Variants in SLC6A14 observed in about 807,000 individuals in gnomAD.
The protein encoded by SLC6A14 is solute carrier family 6 member 14.
Under a neutral mutation model 51.4 loss-of-function variants are expected in SLC6A14, and 21 were observed. The ratio of observed to expected loss-of-function variants is 0.41; its 90% CI spans 0.29 to 0.59. The LOEUF (loss-of-function observed/expected upper bound fraction) is 0.59. Among genes scored for constraint, SLC6A14 ranks in the 20% least tolerant of loss-of-function variants. The pLI is 0.31. For missense variants in SLC6A14, 371 were observed against 472.8 expected, an observed-to-expected ratio of 0.78 and a Z score of 2.00; for synonymous variants, 177 against 160.7, an observed-to-expected ratio of 1.10 and a Z score of -0.77.
intron 7 of SLC6A14, among the ~76,000 whole-genome samples, chrX:116,449,014 A>G (rs1927769756): frequency 2.7e-5 from 3 of 111,378 alleles, no homozygotes; most frequent in Non-Finnish European, 5.7e-5. Flanking sequence ...TGGAATCATA[A>G]TCAGGTGTCT....
chrX:116,451,713 A>G, intron 8 of SLC6A14, 43 bp downstream of exon 8: 1 of 768,284 alleles, frequency 1.3e-6, no homozygotes, highest in Non-Finnish European at 1.9e-6. Context: ...AATTCAATGT[A>G]TCTCACTTAT....
Position 116,450,358 on chromosome X carries a change from A to C in SLC6A14, c.931-1084A>C, listed in dbSNP as rs187489492. On this transcript the variant is annotated intron_variant, in intron 7 of 13. Transcript: ENST00000598581. Reference sequence around the variant, plus strand: ...AGACATGACCAGGAATTTCACAGAAAAAAACAAATCATATGGAAAATGAAG... The same window carrying C: ...AGACATGACCAGGAATTTCACAGAACAAAACAAATCATATGGAAAATGAAG... Among the ~76,000 whole-genome samples the C allele has an allele frequency of 1.7e-3, 188 of 112,086 alleles. 1 individual carries two copies. The Middle Eastern group carries it at 0.023, about 14-fold the overall frequency.
At chrX:116,448,311 A>G (rs1441692486) in intron 7 of SLC6A14, among the ~76,000 whole-genome samples, 2 of 111,953 alleles carry the variant, frequency 1.8e-5, no homozygotes, top group Non-Finnish European at 3.8e-5. Context: ...AACTTATTTT[A>G]TATCTATGGA....
Position 116,455,350 on chromosome X carries a change from T to C in SLC6A14, c.1505-7T>C. 1 of 1,183,581 alleles carries C rather than the reference T, an allele frequency of 8.4e-7. No homozygotes were observed. Among genetic ancestry groups the C allele is most frequent in the East Asian group, 3.0e-5 (1 of 33,648 alleles). On this transcript the variant is annotated splice_region_variant and splice_polypyrimidine_tract_variant and intron_variant, in intron 11 of 13. Coordinates refer to ENST00000598581, the MANE Select transcript of SLC6A14 (RefSeq NM_007231.5). Reference sequence around the variant, plus strand: ...CAAGCACTCAATGTACTCTTTGTTTTCTTTAGGAGGGAACAGATTCATTGA... The same window carrying C: ...CAAGCACTCAATGTACTCTTTGTTTCCTTTAGGAGGGAACAGATTCATTGA...
In SLC6A14 at chrX:116,458,952, A is replaced by G; in HGVS notation, c.1926A>G (p.Glu642=). 8.4e-7 allele frequency: 1 copy of G among 1,189,384 alleles called. No individual in the cohort carries two copies. The highest frequency in any genetic ancestry group is 1.1e-6 in the Non-Finnish European group (1 of 883,996). ...IPTVSGSRKP[E] ...CTGTTAGTGGCAGCAGAAAACCGGA[A>G]TGAGATCTCATTGAAAAAAATATAT... Residue 642 remains glutamate (E), a synonymous_variant, in exon 14 of 14, where the codon GAA becomes GAG. Transcript: ENST00000598581.
At position 116,455,432 on chromosome X, in the gene SLC6A14, C is replaced by A. The variant is rs1927913442; in HGVS notation, c.1580C>A (p.Ala527Asp). 8.3e-7 allele frequency: 1 copy of A among 1,201,802 alleles called. No individual in the cohort carries two copies. The highest frequency in any genetic ancestry group is 3.0e-5 in the East Asian group (1 of 33,671). ...TGGATATTCTGGCTATGGTGGAGAG[C>A]TTGCTGGTTTGTAATTACGCCTATC... ...KRWIFWLWWR[A>D]CWFVITPILL... The change falls in exon 12 of 14, where the codon GCT becomes GAT. Residue 527 changes from alanine (A) to aspartate (D), a missense_variant. Physicochemically the swap from Ala to Asp is moderately radical, Grantham distance 126. Around this residue, in one of 2 missense-constraint regions of SLC6A14, gnomAD observed 277 missense variants for 391.8 expected, o/e 0.71. Coordinates refer to ENST00000598581, the MANE Select transcript of SLC6A14 (RefSeq NM_007231.5).
At chrX:116,443,161 T>C (rs1556693786) in intron 4 of SLC6A14, among the ~76,000 whole-genome samples, 1 of 111,210 alleles carries the variant, frequency 9.0e-6, no homozygotes, top group South Asian at 3.8e-4. Context: ...CAGGAGACAG[T>C]AGGTGTTGTT....
chrX:116,458,150 T>A (rs1029076794), intron 13 of SLC6A14, among the ~76,000 whole-genome samples: 4 of 111,603 alleles, frequency 3.6e-5, no homozygotes, highest in African/African-American at 1.3e-4. Flanking sequence ...CCATAGTCAC[T>A]GCTTTTAAAC....
In SLC6A14 at chrX:116,453,409, C is replaced by T. The variant is rs1254525846; in HGVS notation, c.1285+267C>T. The stretch of plus-strand genomic sequence containing the variant: ...GTGAATTTGAAGTCCTCTTTCTTTT[C>T]CTAATACAATCACATTTTTTTCTAG... On this transcript the variant is annotated intron_variant, in intron 9 of 13. Transcript: ENST00000598581. Among the ~76,000 whole-genome samples, 3 of 46,932 alleles carry T rather than the reference C, an allele frequency of 6.4e-5. No homozygotes were observed. In the Admixed American group the frequency reaches 9.7e-4, roughly 15 times the overall value. 40.8% of individuals were successfully genotyped at this position (46,932 alleles called of 115,157 possible). A position where few individuals can be genotyped will look rare whatever the true frequency, so the allele number is the denominator to read the frequency against.
Position 116,436,608 on chromosome X carries a change from C to A in SLC6A14, c.-102C>A. On this transcript the variant is annotated 5_prime_UTR_variant, in exon 1 of 14. Coordinates refer to ENST00000598581, the MANE Select transcript of SLC6A14 (RefSeq NM_007231.5). ...ATGTTCCCACCCCTGGGCAAGGTGG[C>A]TCACTCTGGCAGGTAGGAACAGGGG... 1.1e-6 allele frequency: 1 copy of A among 874,234 alleles called. No individual in the cohort carries two copies. The highest frequency in any genetic ancestry group is 1.6e-6 in the Non-Finnish European group (1 of 635,333). 72.0% of individuals were successfully genotyped at this position (874,234 alleles called of 1,213,427 possible).
chrX:116,448,811 T>C (rs781968578), intron 7 of SLC6A14, among the ~76,000 whole-genome samples: 1 of 111,803 alleles, frequency 8.9e-6, no homozygotes, highest in East Asian at 2.8e-4. Flanking sequence ...TATTGGTCTG[T>C]GTTTCAGTGA....
chrX:116,446,015 C>A (rs1556693992), intron 6 of SLC6A14, among the ~76,000 whole-genome samples: 1 of 106,109 alleles, frequency 9.4e-6, no homozygotes, highest in Non-Finnish European at 2.0e-5. Context: ...TGAAAGAGTC[C>A]ATTAAAGGCC....
Position 116,442,774 on chromosome X carries a change from C to G in SLC6A14, c.434C>G (p.Ala145Gly). ...GCCTATAGTCTTTACTACATGTTTG[C>G]TTCTTTTCAAAGTGAACTACCATGG... is the stretch of plus-strand genomic sequence containing the variant. ...IIAYSLYYMF[A>G]SFQSELPWKN... The change falls in exon 4 of 14, where the codon GCT becomes GGT. Residue 145 changes from alanine to glycine, a missense_variant. Physicochemically the swap from Ala to Gly is moderately conservative, Grantham distance 60. This residue lies in a region of SLC6A14 where 277 missense variants were observed against 391.8 expected (regional missense o/e 0.71). Coordinates refer to ENST00000598581, the MANE Select transcript of SLC6A14 (RefSeq NM_007231.5). The G allele has an allele frequency of 8.4e-7, 1 of 1,191,820 alleles. No homozygotes were observed. Among genetic ancestry groups the G allele is most frequent in the Non-Finnish European group, 1.1e-6 (1 of 887,387 alleles).
rs1485759200 is a variant in SLC6A14, at chrX:116,458,966, A to G, written c.*11A>G. The G allele has an allele frequency of 2.6e-6, 3 of 1,174,602 alleles. No individual in the cohort carries two copies. In the African/African-American group the frequency reaches 5.4e-5, roughly 21 times the overall value. On this transcript the variant is annotated 3_prime_UTR_variant, in exon 14 of 14. Transcript: ENST00000598581. ...AGAAAACCGGAATGAGATCTCATTG[A>G]AAAAAATATATGATTGTATAATGTG...
chrX:116,450,039 C>T (rs782417102), intron 7 of SLC6A14, among the ~76,000 whole-genome samples: 120 of 111,374 alleles, frequency 1.1e-3, no homozygotes, highest in African/African-American at 3.9e-3. Flanking sequence ...AACTTGAATT[C>T]CTTTAGAAGA....
chrX:116,455,297 C>T, intron 11 of SLC6A14, 60 bp from the exon 12 acceptor site: 1 of 924,073 alleles, frequency 1.1e-6, no homozygotes, highest in Non-Finnish European at 1.6e-6. Context: ...TAATTGATGC[C>T]ATAATGGTTA....
chrX:116,446,971 T>A (rs1927727116), intron 7 of SLC6A14, 90 bp downstream of exon 7: 2 of 738,411 alleles, frequency 2.7e-6, no homozygotes, highest in South Asian at 3.1e-5. Context: ...AATATCATAA[T>A]GTAATAGCTT....
rs1024620564 is a variant in SLC6A14 at position 116,436,742 on chromosome X, G to C, written c.33G>C (p.Lys11Asn). The C allele has an allele frequency of 1.5e-5, 18 of 1,166,046 alleles. No individual in the cohort carries two copies. Among genetic ancestry groups the C allele is most frequent in the Admixed American group, 2.6e-5 (1 of 38,639 alleles). ...AGTTGAAATGCCCGAGTTTCTTCAA[G>C]TGCAGGGAGAAGGAGGTAGGGGTCT... is the stretch of plus-strand genomic sequence containing the variant. MDKLKCPSFF[K>N]CREKEKVSAS... The change falls in exon 1 of 14, where the codon AAG (lysine) becomes AAC (asparagine). Residue 11 changes from lysine (K) to asparagine (N), a missense_variant. Physicochemically the swap from Lys to Asn is moderately conservative, Grantham distance 94 (BLOSUM62 0). This residue lies in a region of SLC6A14 where 277 missense variants were observed against 391.8 expected (regional missense o/e 0.71). Coordinates refer to ENST00000598581, the MANE Select transcript of SLC6A14 (RefSeq NM_007231.5).
At chrX:116,451,130 G>A (rs1341853198) in intron 7 of SLC6A14, among the ~76,000 whole-genome samples, 2 of 111,477 alleles carry the variant, frequency 1.8e-5, no homozygotes, top group Non-Finnish European at 3.8e-5. Flanking sequence ...ATATGTTTAC[G>A]TGCATTAAGA....
Sources: gnomAD v4.1 joint callset for allele counts (sites outside exome capture counted in the v4.1 genomes callset) on GRCh38, gnomAD v4.1.1 for gene constraint, gnomAD v4.1.1 regional missense constraint, MANE v1.5 for transcripts, NCBI Gene and HGNC (gene_info 2026-07-23, HGNC 2026-07-21) for gene names.